Variants in THSD7A observed in about 807,000 individuals in gnomAD.
THSD7A encodes the protein thrombospondin type-1 domain-containing protein 7A.
THSD7A carries 96 observed loss-of-function variants against 231.3 expected under a neutral mutation model. That is an observed-to-expected ratio of 0.41 (90% CI 0.35 to 0.49). The LOEUF (loss-of-function observed/expected upper bound fraction) is 0.49, where lower values mean the gene tolerates loss of function less well. Among genes scored for constraint, THSD7A ranks in the 20% least tolerant of loss-of-function variants. THSD7A has a pLI of 0.05. For missense variants in THSD7A, 2,290 were observed against 2,070.2 expected, an observed-to-expected ratio of 1.11 and a Z score of -2.06; for synonymous variants, 940 against 743.3, an observed-to-expected ratio of 1.26 and a Z score of -4.30.
rs191168283 is a variant in THSD7A at position 11,528,783 on chromosome 7, T to C, written c.1822+12636A>G. On this transcript the variant is annotated intron_variant, in intron 6 of 27. Coordinates refer to ENST00000423059, the MANE Select transcript of THSD7A (RefSeq NM_015204.3). Reference sequence around the variant, plus strand: ...GGTGCTCCTGAGATAAGAAATCTCATATTGAGAATCAAAGGTAAACAGCAT... The same window carrying C: ...GGTGCTCCTGAGATAAGAAATCTCACATTGAGAATCAAAGGTAAACAGCAT... Among the ~76,000 whole-genome samples, 247 of 152,300 alleles carry C rather than the reference T, an allele frequency of 1.6e-3. 1 individual carries two copies. Among genetic ancestry groups the C allele is most frequent in the African/African-American group, 5.4e-3 (224 of 41,570 alleles).
At chr7:11,643,150 T>G (rs575535740) in intron 1 of THSD7A, among the ~76,000 whole-genome samples, 1 of 152,238 alleles carries the variant, frequency 6.6e-6, no homozygotes, top group South Asian at 2.1e-4. Flanking sequence ...TGACTAAATA[T>G]GTTTGCATCC....
At chr7:11,826,778 C>T (rs1785041561) in intron 1 of THSD7A, among the ~76,000 whole-genome samples, 1 of 145,500 alleles carries the variant, frequency 6.9e-6, no homozygotes, top group Admixed American at 7.1e-5. Context: ...TGCCACTGTA[C>T]TCCAGCCTGG....
At chr7:11,532,685 A>G (rs1218164663) in intron 6 of THSD7A, among the ~76,000 whole-genome samples, 2 of 152,172 alleles carry the variant, frequency 1.3e-5, no homozygotes, top group African/African-American at 4.8e-5. Flanking sequence ...AAGATAGAAA[A>G]TGTAAGTATT....
At chr7:11,746,035 C>A (rs1313402131) in intron 1 of THSD7A, among the ~76,000 whole-genome samples, 3 of 151,910 alleles carry the variant, frequency 2.0e-5, no homozygotes, top group Non-Finnish European at 2.9e-5. Context: ...TTACCTTGGG[C>A]AGTATGGCCA....
chr7:11,643,192 G>A (rs756168041), intron 1 of THSD7A, among the ~76,000 whole-genome samples: 4 of 152,078 alleles, frequency 2.6e-5, no homozygotes, highest in East Asian at 3.9e-4. Context: ...TCCCCTTCTG[G>A]ATTTGGTTAT....
intron 1 of THSD7A, among the ~76,000 whole-genome samples, chr7:11,709,595 C>T (rs184952612): frequency 6.6e-6 from 1 of 150,938 alleles, no homozygotes; most frequent in East Asian, 2.0e-4. Flanking sequence ...ATACCTGATA[C>T]ACTATTTTAA....
At chr7:11,654,813 A>G (rs1316088759) in intron 1 of THSD7A, among the ~76,000 whole-genome samples, 3 of 151,936 alleles carry the variant, frequency 2.0e-5, no homozygotes, top group Admixed American at 6.6e-5. Flanking sequence ...AAAATATAAC[A>G]TATATCTACT....
chr7:11,781,368 T>A (rs1202819001), intron 1 of THSD7A, among the ~76,000 whole-genome samples: 1 of 151,640 alleles, frequency 6.6e-6, no homozygotes, highest in Non-Finnish European at 1.5e-5. Context: ...GCCAAGAGGA[T>A]GGCTTGAGCC....
chr7:11,507,216 T>C (rs1006392017), intron 6 of THSD7A, among the ~76,000 whole-genome samples: 2 of 152,294 alleles, frequency 1.3e-5, no homozygotes, highest in African/African-American at 2.4e-5. Flanking sequence ...AAAGACTGCA[T>C]TGTATTAGGG....
At chr7:11,530,303 T>G (rs1046918571) in intron 6 of THSD7A, among the ~76,000 whole-genome samples, 5 of 152,210 alleles carry the variant, frequency 3.3e-5, no homozygotes, top group Non-Finnish European at 7.3e-5. Context: ...GTGTCATGCT[T>G]TATTCGACAT....
chr7:11,669,101 G>A (rs976918876), intron 1 of THSD7A, among the ~76,000 whole-genome samples: 1 of 152,080 alleles, frequency 6.6e-6, no homozygotes, highest in Non-Finnish European at 1.5e-5. Flanking sequence ...TATATGTAGA[G>A]GGTCTCTGCT....
chr7:11,432,334 C>G (rs999605232), intron 13 of THSD7A, among the ~76,000 whole-genome samples: 2 of 152,072 alleles, frequency 1.3e-5, no homozygotes, highest in African/African-American at 4.8e-5. Context: ...ATCTCCTATA[C>G]ATTTGTCAAA....
intron 1 of THSD7A, among the ~76,000 whole-genome samples, chr7:11,680,997 T>C (rs928009009): frequency 6.6e-6 from 1 of 152,142 alleles, no homozygotes; most frequent in African/African-American, 2.4e-5. Context: ...GTGGCACATA[T>C]ACACCATAGA....
At chr7:11,436,787 A>G (rs184097275) in intron 13 of THSD7A, among the ~76,000 whole-genome samples, 1 of 152,058 alleles carries the variant, frequency 6.6e-6, no homozygotes, top group East Asian at 1.9e-4. Flanking sequence ...ACATTATTTT[A>G]TATTTTACAG....
At chr7:11,475,935 C>CTTTTT (rs553018024) in intron 7 of THSD7A, among the ~76,000 whole-genome samples, 19 of 110,752 alleles carry the variant, frequency 1.7e-4, no homozygotes, top group East Asian at 7.9e-4. Flanking sequence ...AAATACTTTC[C>CTTTTT]TTTTTTTTTT....
intron 1 of THSD7A, among the ~76,000 whole-genome samples, chr7:11,666,677 G>A (rs893914464): frequency 3.3e-5 from 5 of 150,616 alleles, no homozygotes; most frequent in African/African-American, 1.2e-4. Context: ...TGATGAAACT[G>A]TTTTTTGATT....
chr7:11,483,809 A>G (rs1786532104), intron 6 of THSD7A, among the ~76,000 whole-genome samples: 1 of 152,154 alleles, frequency 6.6e-6, no homozygotes, highest in South Asian at 2.1e-4. Flanking sequence ...AACAAACGTC[A>G]TATTTTTATT....
intron 4 of THSD7A, among the ~76,000 whole-genome samples, chr7:11,574,436 C>CAT (rs1554341489): frequency 1.4e-5 from 2 of 138,236 alleles, no homozygotes; most frequent in Non-Finnish European, 3.1e-5. Flanking sequence ...GAAACAAAAA[C>CAT]TTTTTTTTTT....
intron 4 of THSD7A, among the ~76,000 whole-genome samples, chr7:11,550,186 A>C (rs541375090): frequency 6.6e-6 from 1 of 152,168 alleles, no homozygotes; most frequent in South Asian, 2.1e-4. Context: ...ATATCCATAC[A>C]CCAATAACAT....
Sources: gnomAD v4.1 joint callset for allele counts (sites outside exome capture counted in the v4.1 genomes callset) on GRCh38, gnomAD v4.1.1 for gene constraint, MANE v1.5 for transcripts, NCBI Gene and HGNC (gene_info 2026-07-23, HGNC 2026-07-21) for gene names.